Variants in ITFG1 observed in about 807,000 individuals in gnomAD.
ITFG1 encodes integrin alpha FG-GAP repeat containing 1, also known as T-cell immunomodulatory protein.
Under a neutral mutation model 81.8 loss-of-function variants are expected in ITFG1, and 34 were observed. The ratio of observed to expected loss-of-function variants is 0.42; its 90% CI spans 0.32 to 0.55. The LOEUF (loss-of-function observed/expected upper bound fraction) is 0.55. Among genes scored for constraint, ITFG1 ranks in the 20% least tolerant of loss-of-function variants. The pLI, the probability that ITFG1 is intolerant of heterozygous loss-of-function variation, is 0.17. For missense variants in ITFG1, 672 were observed against 755.4 expected, an observed-to-expected ratio of 0.89 and a Z score of 1.29; for synonymous variants, 285 against 270.6, an observed-to-expected ratio of 1.05 and a Z score of -0.52.
rs11860378 is a variant in ITFG1 at position 47,159,991 on chromosome 16, C to T, written c.1662-1001G>A. Among the ~76,000 whole-genome samples the T allele has an allele frequency of 7.5e-3, 1,138 of 151,592 alleles. 19 individuals carry two copies. Among genetic ancestry groups the T allele is most frequent in the African/African-American group, 0.026 (1,076 of 41,346 alleles). ...AGAAACATGAAAAATGTTGAGATTA[C>T]GGAAAAAAGCTATGGTATAATTTTC... is the stretch of plus-strand genomic sequence containing the variant. On this transcript the variant is annotated intron_variant, in intron 16 of 17. Transcript: ENST00000320640.
chr16:47,158,709 A>C (rs1458397483), intron 17 of ITFG1, among the ~76,000 whole-genome samples, 164 bp downstream of exon 17: 1 of 152,234 alleles, frequency 6.6e-6, no homozygotes, highest in East Asian at 1.9e-4. Flanking sequence ...CCAGGGATAA[A>C]AGAAATTATC....
At chr16:47,257,134 T>A (rs891817327) in intron 12 of ITFG1, among the ~76,000 whole-genome samples, 3 of 152,196 alleles carry the variant, frequency 2.0e-5, no homozygotes, top group Non-Finnish European at 1.5e-5. Flanking sequence ...TTCAATATAG[T>A]AAATGAAAAT....
chr16:47,219,216 A>G (rs1965662257), intron 13 of ITFG1, among the ~76,000 whole-genome samples: 2 of 152,180 alleles, frequency 1.3e-5, no homozygotes, highest in African/African-American at 4.8e-5. Context: ...CGTTATTTTA[A>G]CTGGGTATTT....
rs1969526314 is a variant in ITFG1 at position 47,460,840 on chromosome 16, T to C, written c.206A>G (p.Glu69Gly). 6.2e-7 allele frequency: 1 copy of C among 1,613,244 alleles called. No individual in the cohort carries two copies. Residue 69 changes from glutamate (E) to glycine (G), a missense_variant and splice_region_variant, in exon 1 of 18, where the codon GAA (glutamate) becomes GGA (glycine). Glu to Gly is a moderately conservative substitution (Grantham distance 98, BLOSUM62 -2). Transcript: ENST00000320640. Reference sequence around the variant, plus strand: ...GGGAGGGCCCGGCAAGCACTGACTTTCCCGCAGCACGAAGAGATCCGTCTG... The same window carrying C: ...GGGAGGGCCCGGCAAGCACTGACTTCCCCGCAGCACGAAGAGATCCGTCTG... ...DKQTDLFVLR[E>G]RNDLIVFLAD...
chr16:47,413,087 C>T (rs759303211), intron 6 of ITFG1, among the ~76,000 whole-genome samples: 1 of 152,082 alleles, frequency 6.6e-6, no homozygotes, highest in South Asian at 2.1e-4. Context: ...CCAAGGCCAA[C>T]ATGAAAGAAA....
At chr16:47,293,181 A>AATGATATATATTATATATCATATATAAAT (rs1555508207) in intron 10 of ITFG1, among the ~76,000 whole-genome samples, 10,569 of 142,598 alleles carry the variant, frequency 0.074, 829 homozygotes, top group African/African-American at 0.18. Context: ...ATCATATACA[A>AATGATATATATTATATATCATATATAAAT]ATGATATATA....
intron 13 of ITFG1, among the ~76,000 whole-genome samples, chr16:47,230,152 T>C (rs1567429993): frequency 1.3e-5 from 2 of 152,066 alleles, no homozygotes; most frequent in African/African-American, 2.4e-5. Context: ...GGGACTATTG[T>C]ATATATAGTG....
At chr16:47,436,782 T>C (rs1969172464) in intron 5 of ITFG1, among the ~76,000 whole-genome samples, 2 of 152,190 alleles carry the variant, frequency 1.3e-5, no homozygotes, top group South Asian at 2.1e-4. Flanking sequence ...CTTTAAGCTG[T>C]TCAAAGTAAG....
rs200419014 is a variant in ITFG1, at chr16:47,216,668, A to AT, written c.1453+2199dup. Among the ~76,000 whole-genome samples the AT allele has an allele frequency of 3.4e-3, 514 of 151,376 alleles. 4 individuals are homozygous for AT. The highest frequency in any genetic ancestry group is 0.012 in the African/African-American group (482 of 41,148). On this transcript the variant is annotated intron_variant, in intron 14 of 17. Transcript: ENST00000320640. Reference sequence around the variant, plus strand: ...TATTTTATTATTTTATTATTTATTTATTTATTTTTTTTTGAGACAGTCTTA... The same window carrying AT: ...TATTTTATTATTTTATTATTTATTTATTTTATTTTTTTTTGAGACAGTCTTA...
At chr16:47,258,557 T>G in intron 12 of ITFG1, 75 bp downstream of exon 12, 3 of 726,414 alleles carry the variant, frequency 4.1e-6, no homozygotes, top group Non-Finnish European at 7.3e-6. Context: ...CATCGGAGCA[T>G]GTCCTTGCTC....
chr16:47,425,223 C>A (rs960333422), intron 6 of ITFG1, among the ~76,000 whole-genome samples: 5 of 152,212 alleles, frequency 3.3e-5, no homozygotes, highest in Admixed American at 3.3e-4. Flanking sequence ...CAGTGAGCAA[C>A]ACTCCGTGGG....
At position 47,203,882 on chromosome 16, in the gene ITFG1, A is replaced by T. The variant is rs111766213; in HGVS notation, c.1453+14986T>A. Among the ~76,000 whole-genome samples, 476 of 152,230 alleles carry T rather than the reference A, an allele frequency of 3.1e-3. 2 individuals carry two copies. Among genetic ancestry groups the T allele is most frequent in the Non-Finnish European group, 5.4e-3 (364 of 68,026 alleles). On this transcript the variant is annotated intron_variant, in intron 14 of 17. Transcript: ENST00000320640. ...CATGCCATGGGCTGGAGCAGGAGGG[A>T]AATGGGGAGTTAGCGTTTAATGGGT...
intron 8 of ITFG1, among the ~76,000 whole-genome samples, chr16:47,339,226 C>T (rs1006017301): frequency 1.4e-4 from 21 of 152,270 alleles, no homozygotes; most frequent in African/African-American, 4.3e-4. Context: ...CATATCTTGG[C>T]TATTGTGAAG....
At position 47,453,911 on chromosome 16, in the gene ITFG1, A is replaced by C. The variant is rs182268072; in HGVS notation, c.427+102T>G. 3.5e-4 allele frequency: 258 copies of C among 739,690 alleles called. No individual in the cohort carries two copies. In the African/African-American group the frequency reaches 4.4e-3, roughly 13 times the overall value. 45.8% of individuals were successfully genotyped at this position (739,690 alleles called of 1,614,324 possible). A position where few individuals can be genotyped will look rare whatever the true frequency, so the allele number is the denominator to read the frequency against. On this transcript the variant is annotated intron_variant, in intron 3 of 17. Coordinates refer to ENST00000320640, the MANE Select transcript of ITFG1 (RefSeq NM_030790.5). The stretch of plus-strand genomic sequence containing the variant: ...TTGAAAAAAGGTTTTACAATTATTG[A>C]CACCCAAGAACAGTATTTTTGAACT...
At chr16:47,162,969 G>C (rs1332166067) in intron 14 of ITFG1, among the ~76,000 whole-genome samples, 1 of 151,964 alleles carries the variant, frequency 6.6e-6, no homozygotes, top group African/African-American at 2.4e-5. Context: ...CACCAGGCTC[G>C]GCTAATTTTT....
At chr16:47,311,507 G>A in intron 9 of ITFG1, 95 bp from the exon 10 acceptor site, 1 of 965,268 alleles carries the variant, frequency 1.0e-6, no homozygotes, top group Non-Finnish European at 1.5e-6. Context: ...TTCAAGATAA[G>A]CATTATTTTA....
chr16:47,383,662 T>C (rs1968423273), intron 6 of ITFG1, among the ~76,000 whole-genome samples: 1 of 152,208 alleles, frequency 6.6e-6, no homozygotes, highest in East Asian at 1.9e-4. Context: ...TCCCAACACT[T>C]TGGGAGGCCA....
At chr16:47,451,240 C>T (rs1261947486) in intron 5 of ITFG1, among the ~76,000 whole-genome samples, 156 bp downstream of exon 5, 1 of 152,080 alleles carries the variant, frequency 6.6e-6, no homozygotes, top group Non-Finnish European at 1.5e-5. Context: ...AGGTGCAGGC[C>T]AAATCCAAAC....
chr16:47,343,608 T>C (rs1967813143), intron 8 of ITFG1, among the ~76,000 whole-genome samples: 1 of 151,774 alleles, frequency 6.6e-6, no homozygotes, highest in Non-Finnish European at 1.5e-5. Flanking sequence ...AAACAGAAGA[T>C]CAACATCAGT....
Sources: gnomAD v4.1 joint callset for allele counts (sites outside exome capture counted in the v4.1 genomes callset) on GRCh38, gnomAD v4.1.1 for gene constraint, MANE v1.5 for transcripts, NCBI Gene and HGNC (gene_info 2026-07-23, HGNC 2026-07-21) for gene names.